Variants in WDR37 observed in about 807,000 individuals in gnomAD.
The protein encoded by WDR37 is WD repeat-containing protein 37.
A neutral mutation model predicts 62.9 loss-of-function variants in WDR37; 19 were observed. That is an observed-to-expected ratio of 0.30 (90% CI 0.21 to 0.44). The LOEUF is 0.44. Ranked by LOEUF, WDR37 falls within the 20% of genes least tolerant of loss-of-function variation. WDR37 has a pLI of 1.00. For synonymous variants in WDR37, 250 were observed against 260.9 expected (o/e 0.96, Z 0.40); for missense variants, 474 against 657.6 (o/e 0.72, Z 3.05).
At chr10:1,095,615 C>T (rs745417376) in intron 8 of WDR37, among the ~76,000 whole-genome samples, 1 of 152,136 alleles carries the variant, frequency 6.6e-6, no homozygotes, top group Admixed American at 6.6e-5. Context: ...TGCTGGTGTC[C>T]GAGGCCTGTT....
chr10:1,063,362 T>C (rs1833431290), intron 1 of WDR37, among the ~76,000 whole-genome samples: 1 of 152,152 alleles, frequency 6.6e-6, no homozygotes, highest in African/African-American at 2.4e-5. Context: ...CAGCTAAATA[T>C]CACAGGAAAC....
chr10:1,126,477 C>G (rs547292260), intron 13 of WDR37, among the ~76,000 whole-genome samples: 147 of 152,258 alleles, frequency 9.7e-4, no homozygotes, highest in Non-Finnish European at 1.7e-3. Context: ...GGAGGCCCCC[C>G]CAGAGGATCC....
At chr10:1,074,615 C>A in intron 2 of WDR37, 1 of 978,944 alleles carries the variant, frequency 1.0e-6, no homozygotes, top group Non-Finnish European at 1.4e-6. Context: ...CGGGAGAGAG[C>A]TGTGGTGTCT....
chr10:1,081,665 G>A (rs1834033758), intron 5 of WDR37, among the ~76,000 whole-genome samples: 1 of 152,000 alleles, frequency 6.6e-6, no homozygotes, highest in East Asian at 1.9e-4. Flanking sequence ...TTTTGGCCAT[G>A]TAATGTCTAG....
At chr10:1,104,938 C>T (rs756458478) in intron 10 of WDR37, among the ~76,000 whole-genome samples, 188 bp from the exon 11 acceptor site, 3 of 152,144 alleles carry the variant, frequency 2.0e-5, no homozygotes, top group African/African-American at 7.2e-5. Flanking sequence ...TTGACATGGA[C>T]GGCTGAAAGG....
chr10:1,121,603 C>G lies in WDR37; in HGVS notation c.1104-2615C>G, dbSNP rs1471976072. Reference sequence around the variant, plus strand: ...TGCTTGTGTCCTGCCCCGTGTGATGCCGTGGTTTCCAGTTGGGCAGTTTCC... The same window carrying G: ...TGCTTGTGTCCTGCCCCGTGTGATGGCGTGGTTTCCAGTTGGGCAGTTTCC... On this transcript the variant is annotated intron_variant, in intron 11 of 13. Transcript: ENST00000263150. This position sits in a 1 kb window ranked among gnomAD's most constrained non-coding sequence, Gnocchi z 4.5. Among the ~76,000 whole-genome samples, 1 of 152,152 alleles carries G rather than the reference C, an allele frequency of 6.6e-6. No individual in the cohort carries two copies. Among genetic ancestry groups the G allele is most frequent in the Non-Finnish European group, 1.5e-5 (1 of 68,026 alleles).
intron 1 of WDR37, among the ~76,000 whole-genome samples, chr10:1,057,355 C>G (rs980404603): frequency 6.5e-5 from 5 of 76,598 alleles, no homozygotes; most frequent in African/African-American, 2.5e-4. Context: ...GGCCCGGGGT[C>G]TCTCCCCGCC....
intron 2 of WDR37, among the ~76,000 whole-genome samples, chr10:1,077,382 T>C (rs953360767): frequency 6.6e-6 from 1 of 152,158 alleles, no homozygotes; most frequent in Non-Finnish European, 1.5e-5. Context: ...TTTGTGAAAT[T>C]TTTCTTTTTT....
At chr10:1,092,932 A>G (rs1031335581) in intron 7 of WDR37, among the ~76,000 whole-genome samples, 4 of 148,562 alleles carry the variant, frequency 2.7e-5, no homozygotes, top group African/African-American at 9.9e-5. Context: ...TTTGTAAGGA[A>G]AGTGGGAGGA....
chr10:1,070,641 A>G (rs1038242008), intron 1 of WDR37, among the ~76,000 whole-genome samples: 4 of 152,342 alleles, frequency 2.6e-5, no homozygotes, highest in Middle Eastern at 3.4e-3. Context: ...ATTTAGGATT[A>G]TAATTAGAAT....
chr10:1,084,575 A>G lies in WDR37; in HGVS notation c.532+37A>G, dbSNP rs752149626. 8 of 1,601,122 alleles carry G rather than the reference A, an allele frequency of 5.0e-6. No homozygotes were observed. The South Asian group carries it at 8.8e-5, about 18-fold the overall frequency. ...ACGGACCTGGCCAGCCTGCGGAAGCATGGCTGTGCTTAATCCCTGAGTGAT... is the reference window on the plus strand; with the variant it reads ...ACGGACCTGGCCAGCCTGCGGAAGCGTGGCTGTGCTTAATCCCTGAGTGAT... On this transcript the variant is annotated intron_variant, in intron 6 of 13. Coordinates refer to ENST00000263150, the MANE Select transcript of WDR37 (RefSeq NM_014023.4).
At chr10:1,119,645 C>T (rs999957442) in intron 11 of WDR37, among the ~76,000 whole-genome samples, 2 of 152,148 alleles carry the variant, frequency 1.3e-5, no homozygotes, top group East Asian at 3.9e-4. Flanking sequence ...TGCTGTTGTG[C>T]GCCTAACACT....
In WDR37 at chr10:1,064,583, CTTTTTTTTTTTTT is replaced by C. The variant is rs71376884; in HGVS notation, c.-40-7515_-40-7503del. 4.0e-3 allele frequency among the ~76,000 whole-genome samples: 280 copies of C among 70,496 alleles called. 4 individuals are homozygous for C. The highest frequency in any genetic ancestry group is 0.013 in the African/African-American group (211 of 16,574). The allele number at this position is 70,496 out of a possible 152,430, so 46.2% of individuals were successfully genotyped here. A position where few individuals can be genotyped will look rare whatever the true frequency, so the allele number is the denominator to read the frequency against. On this transcript the variant is annotated intron_variant, in intron 1 of 13. Transcript: ENST00000263150. The stretch of plus-strand genomic sequence containing the variant: ...GGAAACAATTTGAGTGACAATGGAT[CTTTTTTTTTTTTT>C]TTTTTTTTTTTTTTTTTGAGATGGA...
intron 11 of WDR37, among the ~76,000 whole-genome samples, chr10:1,107,007 G>A (rs1052011140): frequency 3.3e-5 from 5 of 152,154 alleles, no homozygotes; most frequent in East Asian, 1.9e-4. Flanking sequence ...TGCCAGCTCC[G>A]TCAGCGATAG....
At chr10:1,108,061 C>T (rs1257685355) in intron 11 of WDR37, among the ~76,000 whole-genome samples, 5 of 152,222 alleles carry the variant, frequency 3.3e-5, no homozygotes, top group South Asian at 4.1e-4. Flanking sequence ...TTGGCTGAGC[C>T]CTTTGAAAGG....
chr10:1,056,721 C>A lies in WDR37; in HGVS notation c.-288C>A. Reference sequence around the variant, plus strand: ...GCGGAAGCCGGGGCGTGACTTCCGGCGCCGCCGGGTGTGGGGCGGAGGTGT... The same window carrying A: ...GCGGAAGCCGGGGCGTGACTTCCGGAGCCGCCGGGTGTGGGGCGGAGGTGT... On this transcript the variant is annotated 5_prime_UTR_variant, in exon 1 of 14. Transcript: ENST00000263150. The A allele has an allele frequency of 6.6e-6, 1 of 152,400 alleles. No homozygotes were observed. The highest frequency in any genetic ancestry group is 1.5e-5 in the Non-Finnish European group (1 of 68,100). 9.4% of individuals were successfully genotyped at this position (152,400 alleles called of 1,614,324 possible).
At chr10:1,072,387 C>A in intron 2 of WDR37, 94 bp downstream of exon 2, 1 of 1,506,348 alleles carries the variant, frequency 6.6e-7, no homozygotes, top group Non-Finnish European at 9.0e-7. Context: ...GTGCGATCTC[C>A]GCTCACAACC....
intron 11 of WDR37, among the ~76,000 whole-genome samples, chr10:1,112,070 AC>A (rs1479258890): frequency 6.6e-6 from 1 of 152,020 alleles, no homozygotes; most frequent in Non-Finnish European, 1.5e-5. Flanking sequence ...GCTATTTCTT[AC>A]ACCTTGTTTG....
intron 13 of WDR37, among the ~76,000 whole-genome samples, chr10:1,126,328 C>T (rs1388791116): frequency 2.0e-5 from 3 of 151,142 alleles, no homozygotes; most frequent in East Asian, 1.9e-4. Flanking sequence ...ATGGCGTGAA[C>T]CCAGGAGGCG....
Sources: gnomAD v4.1 joint callset for allele counts (sites outside exome capture counted in the v4.1 genomes callset) on GRCh38, gnomAD v4.1.1 for gene constraint, Gnocchi (gnomAD v3.1) non-coding constraint, MANE v1.5 for transcripts, NCBI Gene and HGNC (gene_info 2026-07-23, HGNC 2026-07-21) for gene names.